The following KIAA1549L variants were observed in gnomAD, a reference collection of about 807,000 sequenced individuals.
KIAA1549L encodes UPF0606 protein KIAA1549L.
In KIAA1549L, 88 loss-of-function variants were observed where a neutral mutation model predicts 160.7. The ratio of observed to expected loss-of-function variants is 0.55; its 90% confidence interval spans 0.46 to 0.65. KIAA1549L has a LOEUF of 0.65. Among genes scored for constraint, KIAA1549L ranks in the 30% least tolerant of loss-of-function variants. The pLI is 0.00. For synonymous variants in KIAA1549L, 950 were observed against 976.7 expected (o/e 0.97, Z 0.51); for missense variants, 2,258 against 2,437.5 (o/e 0.93, Z 1.55).
chr11:33,643,579 G>A (rs555609206), intron 16 of KIAA1549L, among the ~76,000 whole-genome samples: 4 of 152,288 alleles, frequency 2.6e-5, no homozygotes, highest in African/African-American at 9.6e-5. Context: ...GGGAGACTCT[G>A]GATGTAGGGA....
Position 33,435,814 on chromosome 11 carries a change from GTGTGTATATA to G in KIAA1549L, c.238+58927_238+58936del, listed in dbSNP as rs1301401490. On this transcript the variant is annotated intron_variant, in intron 1 of 20. Transcript: ENST00000658780. ...TATATATATATATATATATATATGTGTGTGTATATATATATATGTATATGTATATGTGTGT... is the reference window on the plus strand; with the variant it reads ...TATATATATATATATATATATATGTGTATATATGTATATGTATATGTGTGT... Among the ~76,000 whole-genome samples the G allele has an allele frequency of 2.7e-4, 9 of 32,760 alleles. 2 individuals carry two copies. The highest frequency in any genetic ancestry group is 1.3e-3 in the African/African-American group (8 of 6,066). The allele number at this position is 32,760 out of a possible 152,430, so 21.5% of individuals were successfully genotyped here.
chr11:33,494,560 A>T (rs894511858), intron 1 of KIAA1549L, among the ~76,000 whole-genome samples: 8 of 152,240 alleles, frequency 5.3e-5, no homozygotes, highest in Non-Finnish European at 8.8e-5. Flanking sequence ...GATCCTCTTC[A>T]AAGAAGGTTG....
At chr11:33,570,234 C>T (rs537890401) in intron 9 of KIAA1549L, among the ~76,000 whole-genome samples, 1 of 152,076 alleles carries the variant, frequency 6.6e-6, no homozygotes, top group African/African-American at 2.4e-5. Context: ...AAACTCCTGA[C>T]CTCATGATCC....
intron 20 of KIAA1549L, among the ~76,000 whole-genome samples, chr11:33,666,329 A>G (rs1159116492): frequency 6.6e-6 from 1 of 152,198 alleles, no homozygotes; most frequent in African/African-American, 2.4e-5. Flanking sequence ...TGCAGCCAGT[A>G]TGATGGCAGC....
intron 15 of KIAA1549L, among the ~76,000 whole-genome samples, chr11:33,612,214 C>T (rs899291861): frequency 6.6e-6 from 1 of 152,160 alleles, no homozygotes; most frequent in Admixed American, 6.5e-5. Context: ...TCGGTAAGCT[C>T]AGAGGTATTA....
At chr11:33,483,382 A>AGT (rs892368211) in intron 1 of KIAA1549L, among the ~76,000 whole-genome samples, 6 of 152,238 alleles carry the variant, frequency 3.9e-5, no homozygotes, top group Admixed American at 1.3e-4. Context: ...GATGTTGGGA[A>AGT]GTGATGTGGG....
chr11:33,410,692 G>A (rs572654656), intron 1 of KIAA1549L, among the ~76,000 whole-genome samples: 10 of 152,248 alleles, frequency 6.6e-5, no homozygotes, highest in African/African-American at 9.6e-5. Flanking sequence ...CATGGAACAC[G>A]GATGGGCATA....
chr11:33,532,625 A>G (rs1368985108), intron 1 of KIAA1549L, among the ~76,000 whole-genome samples: 5 of 152,324 alleles, frequency 3.3e-5, no homozygotes, highest in South Asian at 2.1e-4. Flanking sequence ...AGCCAGTCTG[A>G]TTCTAGGGCC....
In KIAA1549L at chr11:33,609,924, C is replaced by G; in HGVS notation, c.5237C>G (p.Pro1746Arg). 6.2e-7 allele frequency: 1 copy of G among 1,613,952 alleles called. No individual in the cohort carries two copies. The highest frequency in any genetic ancestry group is 8.5e-7 in the Non-Finnish European group (1 of 1,179,844). The part of the protein sequence containing the change: ...APKEMEHVLD[P>R]DSELCAPFTE... ...AAGGAAATGGAGCATGTTTTGGATCCAGATTCAGAACTCTGTGCTCCATTC... is the reference window on the plus strand; with the variant it reads ...AAGGAAATGGAGCATGTTTTGGATCGAGATTCAGAACTCTGTGCTCCATTC... The change falls in exon 15 of 21, where the codon CCA becomes CGA. Residue 1746 changes from proline (P) to arginine (R), a missense_variant. Pro to Arg is a moderately radical substitution (Grantham distance 103, BLOSUM62 -2). Coordinates refer to ENST00000658780, the MANE Select transcript of KIAA1549L (RefSeq NM_012194.3).
rs114498610 is a variant in KIAA1549L, at chr11:33,583,271, A to C, written c.4403-67A>C. On this transcript the variant is annotated intron_variant, in intron 10 of 20. Transcript: ENST00000658780. ...GGACTTGGGACTGGGGTGGGGGGTT[A>C]TGTCTGGGTTGCTTTCCTCTTCCCA... 1,803 of 1,445,978 alleles carry C rather than the reference A, an allele frequency of 1.2e-3. 24 individuals are homozygous for C. The African/African-American group carries it at 0.022, about 17-fold the overall frequency. 89.6% of individuals were successfully genotyped at this position (1,445,978 alleles called of 1,614,324 possible).
intron 17 of KIAA1549L, among the ~76,000 whole-genome samples, chr11:33,652,721 T>G (rs1055605011): frequency 6.6e-6 from 1 of 152,216 alleles, no homozygotes; most frequent in Non-Finnish European, 1.5e-5. Context: ...AGTGCCTCAC[T>G]TGGTTTATTG....
chr11:33,542,978 C>T lies in KIAA1549L; in HGVS notation c.1415C>T (p.Pro472Leu). The change falls in exon 2 of 21, where the codon CCT (proline) becomes CTT (leucine). Residue 472 changes from proline (P) to leucine (L), a missense_variant. Physicochemically the swap from Pro to Leu is moderately conservative, Grantham distance 98. Around this residue, in one of 6 missense-constraint regions of KIAA1549L, gnomAD observed 540 missense variants for 465.7 expected, o/e 1.16. Coordinates refer to ENST00000658780, the MANE Select transcript of KIAA1549L (RefSeq NM_012194.3). Reference protein sequence around the residue: ...LSAEHTSSLVPSLHITTLGQE... With the variant: ...LSAEHTSSLVLSLHITTLGQE... ...GCAGAACACACCTCTTCTTTGGTGC[C>T]TTCTCTGCATATCACCACACTGGGT... The T allele has an allele frequency of 6.2e-7, 1 of 1,614,038 alleles. No individual in the cohort carries two copies. Among genetic ancestry groups the T allele is most frequent in the Non-Finnish European group, 8.5e-7 (1 of 1,179,898 alleles).
rs778050207 is a variant in KIAA1549L, at chr11:33,544,963, A to G, written c.2970A>G (p.Ala990=). 6.2e-7 allele frequency: 1 copy of G among 1,613,996 alleles called. No homozygotes were observed. Among genetic ancestry groups the G allele is most frequent in the East Asian group, 2.2e-5 (1 of 44,866 alleles). The change falls in exon 3 of 21, where the codon GCA becomes GCG. Residue 990 remains alanine (A), a synonymous_variant. Coordinates refer to ENST00000658780, the MANE Select transcript of KIAA1549L (RefSeq NM_012194.3). ...CTAAAAATGTCACAAACAAGGCCGC[A>G]TCTGGCCCAAAGAGGACACCAGGGG... is the stretch of plus-strand genomic sequence containing the variant. ...TLAKNVTNKA[A]SGPKRTPGAV... is the part of the protein sequence containing the mutation.
chr11:33,529,852 G>T (rs1853698179), intron 1 of KIAA1549L, among the ~76,000 whole-genome samples: 1 of 152,198 alleles, frequency 6.6e-6, no homozygotes, highest in South Asian at 2.1e-4. Context: ...TAGAAATAAG[G>T]AGTTGTGGGA....
At chr11:33,584,950 C>T (rs953774682) in intron 11 of KIAA1549L, among the ~76,000 whole-genome samples, 5 of 152,218 alleles carry the variant, frequency 3.3e-5, no homozygotes, top group Non-Finnish European at 7.3e-5. Flanking sequence ...CCATGGAGAT[C>T]GTCCTTGCGG....
At chr11:33,537,814 CAT>C (rs1271788109) in intron 1 of KIAA1549L, among the ~76,000 whole-genome samples, 1 of 152,142 alleles carries the variant, frequency 6.6e-6, no homozygotes, top group Non-Finnish European at 1.5e-5. Flanking sequence ...CAGGCACAGA[CAT>C]GTCTTTGAAG....
intron 1 of KIAA1549L, among the ~76,000 whole-genome samples, chr11:33,528,021 C>T (rs1379390206): frequency 6.6e-6 from 1 of 152,142 alleles, no homozygotes; most frequent in Non-Finnish European, 1.5e-5. Flanking sequence ...GGGGAGTTCC[C>T]CTACACAAGC....
chr11:33,588,574 T>G (rs1433519602), intron 11 of KIAA1549L, among the ~76,000 whole-genome samples: 1 of 152,194 alleles, frequency 6.6e-6, no homozygotes, highest in Non-Finnish European at 1.5e-5. Flanking sequence ...AAAAGTCAGC[T>G]TCCAGAAACA....
intron 1 of KIAA1549L, among the ~76,000 whole-genome samples, chr11:33,471,896 A>G (rs534021582): frequency 3.5e-4 from 54 of 152,206 alleles, no homozygotes; most frequent in Non-Finnish European, 6.3e-4. Flanking sequence ...CCTTATGAAC[A>G]GTCTCATGGA....
Sources: allele counts gnomAD v4.1 joint callset (sites outside exome capture counted in the v4.1 genomes callset), GRCh38; gene constraint gnomAD v4.1.1; regional missense constraint gnomAD v4.1.1; transcripts MANE v1.5; gene names NCBI Gene and HGNC (gene_info 2026-07-23, HGNC 2026-07-21).